The following CUBN variants were observed in gnomAD, a reference collection of about 807,000 sequenced individuals.
The protein encoded by CUBN is 460 kDa receptor.
CUBN carries 282 observed loss-of-function variants against 405.3 expected under a neutral mutation model. The ratio of observed to expected loss-of-function variants is 0.70; its 90% CI spans 0.63 to 0.77. The LOEUF is 0.77. Among genes scored for constraint, CUBN ranks in the 30% least tolerant of loss-of-function variants. The pLI is 0.00. For synonymous variants in CUBN, 1,684 were observed against 1,617.0 expected (o/e 1.04, Z -0.99); for missense variants, 4,514 against 4,475.2 (o/e 1.01, Z -0.25).
rs757955900 is a variant in CUBN, at chr10:16,925,709, G to A, written c.6337C>T (p.Pro2113Ser). The A allele has an allele frequency of 3.7e-6, 6 of 1,614,000 alleles. No homozygotes were observed. In the South Asian group the frequency reaches 6.6e-5, roughly 18 times the overall value. Residue 2113 changes from proline to serine, a missense_variant, in exon 42 of 67, where the codon CCA becomes TCA. Around this residue, in one of 5 missense-constraint regions of CUBN, gnomAD observed 1,613 missense variants for 1,542.8 expected, o/e 1.05. Transcript: ENST00000377833. The stretch of plus-strand genomic sequence containing the variant: ...TGCCAAGAACAGTTGAGGTTGGATG[G>A]GTAAGTCTCTGGATACTTGGGGGAC... ...ITSPKYPETY[P>S]SNLNCSWHVL...
intron 22 of CUBN, among the ~76,000 whole-genome samples, chr10:17,050,054 T>TC (rs1835228332): frequency 6.6e-6 from 1 of 152,082 alleles, no homozygotes; most frequent in African/African-American, 2.4e-5. Flanking sequence ...GCATCTAAGT[T>TC]CCTCCCACTC....
chr10:17,007,451 G>A (rs927268673), intron 28 of CUBN, among the ~76,000 whole-genome samples: 8 of 152,278 alleles, frequency 5.3e-5, no homozygotes, highest in East Asian at 3.9e-4. Context: ...GGTTTGTGTC[G>A]TTCACAAAGA....
intron 4 of CUBN, among the ~76,000 whole-genome samples, chr10:17,124,315 T>C (rs1190602907): frequency 6.6e-6 from 1 of 152,242 alleles, no homozygotes; most frequent in Non-Finnish European, 1.5e-5. Flanking sequence ...CTACATAACC[T>C]GGGGAATCTG....
intron 31 of CUBN, among the ~76,000 whole-genome samples, chr10:16,957,493 G>T (rs1269644925): frequency 6.6e-6 from 1 of 151,998 alleles, no homozygotes; most frequent in Non-Finnish European, 1.5e-5. Flanking sequence ...ACAGGTAAAT[G>T]AAAAAATGCT....
chr10:16,971,222 T>C (rs552816396), intron 31 of CUBN, among the ~76,000 whole-genome samples: 1 of 152,218 alleles, frequency 6.6e-6, no homozygotes, highest in Non-Finnish European at 1.5e-5. Flanking sequence ...GTCTCCAAAA[T>C]GAAGGATTGG....
At chr10:16,945,415 A>G (rs918323593) in intron 36 of CUBN, among the ~76,000 whole-genome samples, 1 of 152,182 alleles carries the variant, frequency 6.6e-6, no homozygotes. Flanking sequence ...TATGTCTGGT[A>G]AACATTATAA....
intron 66 of CUBN, among the ~76,000 whole-genome samples, chr10:16,827,042 T>C (rs1447720783): frequency 1.3e-5 from 2 of 152,230 alleles, no homozygotes; most frequent in African/African-American, 4.8e-5. Flanking sequence ...GGGCCTTCTG[T>C]GCATCCCCGT....
intron 31 of CUBN, among the ~76,000 whole-genome samples, chr10:16,979,296 T>C (rs3012495): frequency 0.87 from 132,229 of 152,108 alleles, 58,281 homozygotes; most frequent in Non-Finnish European, 0.96. Flanking sequence ...CAATGCTATA[T>C]CCATCAAGCT....
intron 6 of CUBN, chr10:17,121,794 T>C (rs1304796956): frequency 5.9e-5 from 9 of 152,140 alleles, no homozygotes; most frequent in Non-Finnish European, 8.8e-5. Context: ...TATGTGGAAA[T>C]TGAAGAACAA....
chr10:16,882,057 G>A (rs1325159581), intron 56 of CUBN, among the ~76,000 whole-genome samples: 1 of 152,138 alleles, frequency 6.6e-6, no homozygotes, highest in Non-Finnish European at 1.5e-5. Flanking sequence ...CTCATAATTG[G>A]GGTGACTGTC....
intron 31 of CUBN, among the ~76,000 whole-genome samples, chr10:16,976,368 T>A (rs1210621690): frequency 6.6e-6 from 1 of 152,092 alleles, no homozygotes; most frequent in East Asian, 1.9e-4. Context: ...CTATTGTCTT[T>A]AAAAAAATTT....
Position 16,840,480 on chromosome 10 carries a change from G to T in CUBN, c.9882C>A (p.Pro3294=). 1.9e-6 allele frequency: 3 copies of T among 1,613,410 alleles called. No homozygotes were observed. Among genetic ancestry groups the T allele is most frequent in the Non-Finnish European group, 2.5e-6 (3 of 1,179,710 alleles). Residue 3294 remains proline (P), a synonymous_variant, in exon 62 of 67, where the codon CCC becomes CCA. Transcript: ENST00000377833. ...ATWTPQNISS[P]NSSDPDVPFS... Reference sequence around the variant, plus strand: ...ATGGGACATCTGGGTCTGATGAATTGGGTGATGAAATATTTTGTGGGGTCC... The same window carrying T: ...ATGGGACATCTGGGTCTGATGAATTTGGTGATGAAATATTTTGTGGGGTCC...
chr10:16,891,435 GAA>G (rs1841001502), intron 54 of CUBN, among the ~76,000 whole-genome samples: 1 of 152,134 alleles, frequency 6.6e-6, no homozygotes. Flanking sequence ...CTAGTTCAGA[GAA>G]GAGAGAGAAA....
chr10:17,042,814 C>A (rs1180199139), intron 26 of CUBN, among the ~76,000 whole-genome samples: 1 of 152,036 alleles, frequency 6.6e-6, no homozygotes, highest in Non-Finnish European at 1.5e-5. Context: ...ATTACTCTTT[C>A]AGTTAATTCA....
chr10:17,019,824 C>G lies in CUBN; in HGVS notation c.4168+9G>C, dbSNP rs1834442542. 1 of 1,614,058 alleles carries G rather than the reference C, an allele frequency of 6.2e-7. No individual in the cohort carries two copies. The highest frequency in any genetic ancestry group is 8.5e-7 in the Non-Finnish European group (1 of 1,179,956). ...CTGCAAATACAACTGAGATCAGCAC[C>G]TGGCTTACCGTAAACAAACCACTGC... On this transcript the variant is annotated intron_variant, in intron 28 of 66. Transcript: ENST00000377833.
intron 31 of CUBN, among the ~76,000 whole-genome samples, chr10:16,978,694 A>G (rs1460262764): frequency 2.0e-5 from 3 of 152,212 alleles, no homozygotes; most frequent in East Asian, 3.9e-4. Context: ...CCAGTAACCA[A>G]GAGAATCTGG....
chr10:16,896,127 C>T (rs1003865358), intron 54 of CUBN, among the ~76,000 whole-genome samples: 1 of 152,084 alleles, frequency 6.6e-6, no homozygotes, highest in Admixed American at 6.6e-5. Flanking sequence ...ATTTAGGTCC[C>T]CTTTCAACTT....
intron 63 of CUBN, among the ~76,000 whole-genome samples, chr10:16,835,944 G>T (rs991363878): frequency 6.6e-6 from 1 of 152,114 alleles, no homozygotes; most frequent in Non-Finnish European, 1.5e-5. Context: ...GTGGTTAAGT[G>T]TATAATTAAT....
At chr10:16,920,764 A>T (rs1842011596) in intron 43 of CUBN, among the ~76,000 whole-genome samples, 2 of 152,206 alleles carry the variant, frequency 1.3e-5, no homozygotes, top group African/African-American at 4.8e-5. Context: ...ATTCTTTGGC[A>T]TTTTCAACAA....
Sources: allele counts gnomAD v4.1 joint callset (sites outside exome capture counted in the v4.1 genomes callset), GRCh38; gene constraint gnomAD v4.1.1; regional missense constraint gnomAD v4.1.1; transcripts MANE v1.5; gene names NCBI Gene and HGNC (gene_info 2026-07-23, HGNC 2026-07-21).